Variants in PARG observed in about 807,000 individuals in gnomAD.
The protein encoded by PARG is mitochondrial poly(ADP-ribose) glycohydrolase.
A neutral mutation model predicts 113.0 loss-of-function variants in PARG; 35 were observed. The observed-to-expected ratio is 0.31, with a 90% CI of 0.24 to 0.41. The LOEUF is 0.41. PARG is among the 10% of genes least tolerant of loss of function. PARG has a pLI of 1.00. For synonymous variants in PARG, 330 were observed against 409.9 expected (o/e 0.81, Z 2.36); for missense variants, 797 against 1,169.4 (o/e 0.68, Z 4.64).
At chr10:49,924,796 A>G (rs1838069865) in intron 4 of PARG, among the ~76,000 whole-genome samples, 2 of 152,236 alleles carry the variant, frequency 1.3e-5, no homozygotes, top group South Asian at 4.1e-4. Flanking sequence ...ATTTTACCCC[A>G]AAATGTATTT....
chr10:49,853,315 C>T lies in PARG; in HGVS notation c.2353+3991G>A, dbSNP rs1237249475. On this transcript the variant is annotated intron_variant, in intron 13 of 17. Coordinates refer to ENST00000616448, the MANE Select transcript of PARG (RefSeq NM_003631.5). ...CCTCCCAAAGTGCTGGGATTACAGG[C>T]GTGAGCCACTGCACCCAGCCGGAAT... Among the ~76,000 whole-genome samples the T allele has an allele frequency of 4.6e-5, 7 of 151,802 alleles. 1 individual carries two copies. The highest frequency in any genetic ancestry group is 3.3e-4 in the Admixed American group (5 of 15,228).
chr10:49,831,048 A>G (rs1844634248), intron 16 of PARG, among the ~76,000 whole-genome samples: 1 of 152,192 alleles, frequency 6.6e-6, no homozygotes, highest in South Asian at 2.1e-4. Context: ...TTAGATGGAT[A>G]GTTGAAAACT....
At chr10:49,857,009 C>CA (rs71270682) in intron 13 of PARG, among the ~76,000 whole-genome samples, 5,027 of 73,090 alleles carry the variant, frequency 0.069, 238 homozygotes, top group African/African-American at 0.14. Context: ...ACCTCTGTCT[C>CA]AAAAAAAAAA....
intron 8 of PARG, among the ~76,000 whole-genome samples, chr10:49,880,724 GCTC>G (rs1554839308): frequency 6.6e-6 from 1 of 152,004 alleles, no homozygotes; most frequent in African/African-American, 2.4e-5. Flanking sequence ...CTCATTATAT[GCTC>G]CTCACTTTAG....
intron 7 of PARG, among the ~76,000 whole-genome samples, chr10:49,892,809 C>T (rs4012654): frequency 1.4e-4 from 21 of 152,282 alleles, no homozygotes; most frequent in Middle Eastern, 6.8e-3. Flanking sequence ...ACGCCAGGCA[C>T]GGTGGCTCAC....
chr10:49,819,377 T>G lies in PARG; in HGVS notation c.2894A>C (p.Glu965Ala), dbSNP rs1419328569. The G allele has an allele frequency of 6.4e-7, 1 of 1,551,476 alleles. No homozygotes were observed. Among genetic ancestry groups the G allele is most frequent in the Non-Finnish European group, 8.7e-7 (1 of 1,146,902 alleles). Reference protein sequence around the residue: ...FIYHAVESCAETADHSGQRTG... With the variant: ...FIYHAVESCAATADHSGQRTG... ...CCTTTGCCCTGAATGGTCAGCGGTC[T>G]CTGCACAGGACTCGACAGCATGGTA... is the stretch of plus-strand genomic sequence containing the variant. The change falls in exon 18 of 18, where the codon GAG becomes GCG. Residue 965 changes from glutamate to alanine, a missense_variant. Physicochemically the swap from Glu to Ala is moderately radical, Grantham distance 107. Around this residue, in one of 5 missense-constraint regions of PARG, gnomAD observed 194 missense variants for 247.1 expected, o/e 0.79. Transcript: ENST00000616448.
intron 11 of PARG, among the ~76,000 whole-genome samples, chr10:49,862,315 T>C (rs1479675881): frequency 6.6e-6 from 1 of 151,680 alleles, no homozygotes; most frequent in Non-Finnish European, 1.5e-5. Flanking sequence ...ATTTGCCTTA[T>C]TAGATATTTT....
chr10:49,936,537 G>A (rs1483320540), intron 1 of PARG, among the ~76,000 whole-genome samples: 1 of 152,070 alleles, frequency 6.6e-6, no homozygotes, highest in African/African-American at 2.4e-5. Context: ...ATAAATACAA[G>A]CCACATTTTA....
intron 7 of PARG, among the ~76,000 whole-genome samples, chr10:49,898,289 C>T (rs1398657834): frequency 1.3e-5 from 2 of 152,050 alleles, no homozygotes. Context: ...GTCTAATGGG[C>T]CAGTAATTCA....
intron 12 of PARG, among the ~76,000 whole-genome samples, chr10:49,860,011 T>C (rs1846179765): frequency 6.6e-6 from 1 of 152,128 alleles, no homozygotes. Context: ...AAGACAGGAA[T>C]GATAAAGCTC....
intron 1 of PARG, among the ~76,000 whole-genome samples, chr10:49,937,458 AGT>A (rs1838807673): frequency 6.7e-6 from 1 of 149,720 alleles, no homozygotes; most frequent in Admixed American, 6.7e-5. Flanking sequence ...CCTGGGCGAC[AGT>A]GTGAGACTCT....
chr10:49,893,657 G>A (rs1224501263), intron 7 of PARG, among the ~76,000 whole-genome samples: 1 of 151,866 alleles, frequency 6.6e-6, no homozygotes, highest in Non-Finnish European at 1.5e-5. Flanking sequence ...TGGGACTATA[G>A]GTGTGTGCCA....
intron 12 of PARG, among the ~76,000 whole-genome samples, chr10:49,859,956 G>C (rs1193148840): frequency 8.5e-5 from 13 of 152,200 alleles, no homozygotes; most frequent in African/African-American, 2.4e-4. Context: ...TCACTTTAAA[G>C]CTACTCATTC....
At position 49,849,528 on chromosome 10, in the gene PARG, CT is replaced by C. The variant is rs549732353; in HGVS notation, c.2354-5897del. Among the ~76,000 whole-genome samples, 590 of 152,188 alleles carry C rather than the reference CT, an allele frequency of 3.9e-3. 7 individuals are homozygous for C. Among genetic ancestry groups the C allele is most frequent in the African/African-American group, 0.014 (570 of 41,520 alleles). ...TCCAAAATATATAAAGCTTTCAAAA[CT>C]CAATTAAAACAAAAAACAATGAAAA... On this transcript the variant is annotated intron_variant, in intron 13 of 17. Coordinates refer to ENST00000616448, the MANE Select transcript of PARG (RefSeq NM_003631.5).
chr10:49,819,749 G>A (rs1196425649), intron 17 of PARG, among the ~76,000 whole-genome samples: 3 of 152,100 alleles, frequency 2.0e-5, no homozygotes, highest in Non-Finnish European at 2.9e-5. Flanking sequence ...ATGCACCCTC[G>A]TTATGCACTG....
intron 7 of PARG, among the ~76,000 whole-genome samples, chr10:49,913,587 T>C (rs1357107673): frequency 6.6e-6 from 1 of 152,156 alleles, no homozygotes; most frequent in Non-Finnish European, 1.5e-5. Context: ...CAACCCTCCA[T>C]ATGTTTACAA....
At chr10:49,922,175 T>C (rs1171097143) in intron 6 of PARG, among the ~76,000 whole-genome samples, 161 bp downstream of exon 6, 1 of 152,214 alleles carries the variant, frequency 6.6e-6, no homozygotes, top group Non-Finnish European at 1.5e-5. Flanking sequence ...TCAGTTCTTC[T>C]CATTTCCTAG....
chr10:49,848,908 G>A (rs1396089555), intron 13 of PARG, among the ~76,000 whole-genome samples: 12 of 151,620 alleles, frequency 7.9e-5, no homozygotes, highest in Non-Finnish European at 1.5e-4. Context: ...AATAAACAGA[G>A]ACATACATCC....
rs1379443800 is a variant in PARG, at chr10:49,819,487, C to T, written c.2784G>A (p.Val928=). Reference sequence around the variant, plus strand: ...TGTAGTATCGTAGCAACAGCTTATACACATCTCCTGGAGAGCAAAAGGTCA... The same window carrying T: ...TGTAGTATCGTAGCAACAGCTTATATACATCTCCTGGAGAGCAAAAGGTCA... ...LTERKLTVGD[V]YKLLLRYYNE... is the part of the protein sequence containing the mutation. The change falls in exon 18 of 18, where the codon GTG becomes GTA. Residue 928 remains valine, a synonymous_variant. Transcript: ENST00000616448. The T allele has an allele frequency of 1.3e-6, 2 of 1,551,018 alleles. No individual in the cohort carries two copies. The highest frequency in any genetic ancestry group is 2.7e-5 in the African/African-American group (2 of 73,140).
Sources: gnomAD v4.1 joint callset for allele counts (sites outside exome capture counted in the v4.1 genomes callset) on GRCh38, gnomAD v4.1.1 for gene constraint, gnomAD v4.1.1 regional missense constraint, MANE v1.5 for transcripts, NCBI Gene and HGNC (gene_info 2026-07-23, HGNC 2026-07-21) for gene names.